The following PRSS55 variants were observed in gnomAD, a reference collection of about 807,000 sequenced individuals.
PRSS55 encodes the protein probable serine protease UNQ9391/PRO34284.
In PRSS55, 41 loss-of-function variants were observed where a neutral mutation model predicts 23.6. The observed-to-expected ratio is 1.74, with a 90% CI of 1.35 to 2.26. The LOEUF is 2.26. Ranked by LOEUF, PRSS55 falls within the 30% of genes most tolerant of loss-of-function variation. PRSS55 has a pLI of 0.00. For synonymous variants in PRSS55, 262 were observed against 175.5 expected, an observed-to-expected ratio of 1.49 and a Z score of -3.90; for missense variants, 669 against 439.1, an observed-to-expected ratio of 1.52 and a Z score of -4.68.
At chr8:10,532,481 A>G (rs1812303385) in intron 3 of PRSS55, among the ~76,000 whole-genome samples, 1 of 152,170 alleles carries the variant, frequency 6.6e-6, no homozygotes, top group Admixed American at 6.5e-5. Flanking sequence ...CTGAGGACCT[A>G]AAGTTTTTTC....
downstream of PRSS55, among the ~76,000 whole-genome samples, chr8:10,540,026 G>T (rs56096665): frequency 0.075 from 11,461 of 152,124 alleles, 526 homozygotes; most frequent in Middle Eastern, 0.12. Context: ...CTCCTCTCTT[G>T]CTCTCTCCTT....
At chr8:10,547,160 A>G (rs1812837470) in intron 4 of PRSS55, among the ~76,000 whole-genome samples, 1 of 152,114 alleles carries the variant, frequency 6.6e-6, no homozygotes, top group Non-Finnish European at 1.5e-5. Flanking sequence ...TAGCTCCGCA[A>G]TTCCCGCCAC....
intron 3 of PRSS55, 83 bp from the exon 4 acceptor site, chr8:10,532,823 G>A (rs1393074194): frequency 6.4e-7 from 1 of 1,562,086 alleles, no homozygotes; most frequent in Admixed American, 1.7e-5. Flanking sequence ...GGGGACACAG[G>A]GCCGAGGGCA....
downstream of PRSS55, among the ~76,000 whole-genome samples, chr8:10,542,624 T>C (rs1812689776): frequency 6.6e-6 from 1 of 151,834 alleles, no homozygotes; most frequent in Admixed American, 6.6e-5. Context: ...TCCCAGCACT[T>C]TGGGAGGCTG....
intron 4 of PRSS55, among the ~76,000 whole-genome samples, chr8:10,535,962 G>A (rs760488496): frequency 8.5e-5 from 13 of 152,286 alleles, no homozygotes; most frequent in South Asian, 2.1e-4. Context: ...CAAGACCGGC[G>A]GATCACGAGG....
At position 10,529,762 on chromosome 8, in the gene PRSS55, C is replaced by G. The variant is rs1191024173; in HGVS notation, c.347+63C>G. ...CGCCCACCCCTGGGGCACCCTCCCC[C>G]TCACCCACACCTGGTGGCTGAGAGG... On this transcript the variant is annotated intron_variant, in intron 2 of 4. Coordinates refer to ENST00000328655, the MANE Select transcript of PRSS55 (RefSeq NM_198464.4). The G allele has an allele frequency of 1.9e-5, 29 of 1,506,234 alleles. 1 individual carries two copies. Among genetic ancestry groups the G allele is most frequent in the Admixed American group, 7.0e-5 (4 of 57,052 alleles). The allele number at this position is 1,506,234 out of a possible 1,614,324, so 93.3% of individuals were successfully genotyped here.
Position 10,538,505 on chromosome 8 carries a change from C to G in PRSS55, c.771C>G (p.Thr257=). Residue 257 remains threonine, a synonymous_variant, in exon 5 of 5, where the codon ACC becomes ACG. Transcript: ENST00000328655. ...ACAGTGGGGGGCCTCTGGTCTGCAC[C>G]CCAGAGCCTGGTGAGAAGTGGTACC... ...KGDSGGPLVC[T]PEPGEKWYQV... 6.2e-7 allele frequency: 1 copy of G among 1,613,854 alleles called. No homozygotes were observed. Among genetic ancestry groups the G allele is most frequent in the Non-Finnish European group, 8.5e-7 (1 of 1,179,922 alleles).
chr8:10,547,905 C>G (rs557774315), intron 4 of PRSS55, among the ~76,000 whole-genome samples: 25 of 152,150 alleles, frequency 1.6e-4, no homozygotes, highest in African/African-American at 5.5e-4. Context: ...GAACAGACAC[C>G]GTAAACACAC....
chr8:10,534,580 GC>G (rs1812390919), intron 4 of PRSS55, among the ~76,000 whole-genome samples: 1 of 152,030 alleles, frequency 6.6e-6, no homozygotes, highest in Admixed American at 6.6e-5. Flanking sequence ...AATAATAAGA[GC>G]CCTCTATGAC....
At chr8:10,538,836 G>A (rs1027741992), downstream of PRSS55, 14 of 1,503,058 alleles carry the variant, frequency 9.3e-6, no homozygotes, top group Non-Finnish European at 1.2e-5. Flanking sequence ...GAGGGTGCAT[G>A]CAAGTGCGTC....
chr8:10,528,807 C>T (rs1028160114), intron 1 of PRSS55, among the ~76,000 whole-genome samples: 2 of 152,238 alleles, frequency 1.3e-5, no homozygotes, highest in African/African-American at 2.4e-5. Flanking sequence ...AGCAGGTCTG[C>T]GTTCCTACTG....
chr8:10,549,442 G>A (rs1812902593), intron 4 of PRSS55, among the ~76,000 whole-genome samples: 1 of 152,232 alleles, frequency 6.6e-6, no homozygotes. Context: ...GTGGATGATG[G>A]CATCGGCATG....
intron 1 of PRSS55, among the ~76,000 whole-genome samples, chr8:10,526,002 T>C (rs1366721549): frequency 6.6e-6 from 1 of 152,192 alleles, no homozygotes; most frequent in South Asian, 2.1e-4. Flanking sequence ...TAGCTGAGAC[T>C]GAGTCCTCCC....
chr8:10,529,797 C>G, intron 2 of PRSS55, 98 bp downstream of exon 2: 1 of 1,202,822 alleles, frequency 8.3e-7, no homozygotes, highest in Non-Finnish European at 1.2e-6. Context: ...GAACCTGCGA[C>G]TGCTCGGTAT....
intron 4 of PRSS55, among the ~76,000 whole-genome samples, chr8:10,549,786 C>G (rs182269292): frequency 1.4e-5 from 2 of 140,212 alleles, no homozygotes; most frequent in African/African-American, 5.0e-5. Context: ...AGCAGCTCCC[C>G]GCTCTGTCAT....
At chr8:10,527,507 A>G (rs1812074990) in intron 1 of PRSS55, among the ~76,000 whole-genome samples, 1 of 152,264 alleles carries the variant, frequency 6.6e-6, no homozygotes, top group South Asian at 2.1e-4. Context: ...GGTAGGAAAT[A>G]AGGAGTCACC....
chr8:10,531,823 C>A, intron 3 of PRSS55: 1 of 456,882 alleles, frequency 2.2e-6, no homozygotes, highest in Non-Finnish European at 4.0e-6. Flanking sequence ...GCCAGAGGCC[C>A]CTCTACTCTG....
At chr8:10,545,691 G>A (rs549209055) in intron 4 of PRSS55, among the ~76,000 whole-genome samples, 1 of 152,176 alleles carries the variant, frequency 6.6e-6, no homozygotes, top group Admixed American at 6.5e-5. Context: ...TGAAGCTTTC[G>A]GTGTGGCTCG....
intron 4 of PRSS55, among the ~76,000 whole-genome samples, chr8:10,553,166 G>T (rs1425880247): frequency 6.6e-6 from 1 of 152,152 alleles, no homozygotes; most frequent in African/African-American, 2.4e-5. Flanking sequence ...GAGATCTGAT[G>T]GTTTCATAAG....
Sources: gnomAD v4.1 joint callset for allele counts (sites outside exome capture counted in the v4.1 genomes callset) on GRCh38, gnomAD v4.1.1 for gene constraint, MANE v1.5 for transcripts, NCBI Gene and HGNC (gene_info 2026-07-23, HGNC 2026-07-21) for gene names.